The following AHCTF1 variants were observed in gnomAD, a reference collection of about 807,000 sequenced individuals.
AHCTF1 encodes the protein AT-hook containing transcription factor 1, also known as protein ELYS.
AHCTF1 carries 24 observed loss-of-function variants against 248.4 expected under a neutral mutation model. The ratio of observed to expected loss-of-function variants is 0.10; its 90% CI spans 0.07 to 0.14. The LOEUF is 0.14. Among genes scored for constraint, AHCTF1 ranks in the 10% least tolerant of loss-of-function variants. AHCTF1 has a pLI of 1.00. For missense variants in AHCTF1, 2,206 were observed against 2,636.2 expected (o/e 0.84, Z 3.57); for synonymous variants, 786 against 929.8 (o/e 0.85, Z 2.81).
chr1:246,861,547 T>A (rs912549458), intron 28 of AHCTF1, among the ~76,000 whole-genome samples: 2 of 152,186 alleles, frequency 1.3e-5, no homozygotes, highest in African/African-American at 2.4e-5. Context: ...AGATGACCAA[T>A]AATCACTGAA....
intron 20 of AHCTF1, among the ~76,000 whole-genome samples, 200 bp from the exon 21 acceptor site, chr1:246,885,880 A>G (rs1663784150): frequency 6.6e-6 from 1 of 152,208 alleles, no homozygotes; most frequent in Admixed American, 6.5e-5. Context: ...AACTAAGTGC[A>G]GATAGAAAAC....
chr1:246,871,724 C>T (rs778313672), intron 24 of AHCTF1, among the ~76,000 whole-genome samples: 9 of 151,802 alleles, frequency 5.9e-5, no homozygotes, highest in Admixed American at 1.3e-4. Context: ...TTTTTGAGGC[C>T]TCCTGACTGC....
intron 1 of AHCTF1, chr1:246,931,309 A>G (rs1423250886): frequency 6.5e-7 from 1 of 1,546,916 alleles, no homozygotes; most frequent in Non-Finnish European, 8.7e-7. Context: ...GCGAACCACC[A>G]GCGCCGCTCC....
At chr1:246,846,393 G>A (rs1407824018) in intron 33 of AHCTF1, among the ~76,000 whole-genome samples, 1 of 151,940 alleles carries the variant, frequency 6.6e-6, no homozygotes, top group African/African-American at 2.4e-5. Flanking sequence ...TCCTAGAGTG[G>A]TCATTGCTTT....
chr1:246,876,112 G>A lies in AHCTF1; in HGVS notation c.3013C>T (p.Pro1005Ser). 6.2e-7 allele frequency: 1 copy of A among 1,609,640 alleles called. No homozygotes were observed. Among genetic ancestry groups the A allele is most frequent in the Non-Finnish European group, 8.5e-7 (1 of 1,178,394 alleles). Reference sequence around the variant, plus strand: ...ATGGCTAATTTTCGATGGACTCTAGGAAGGATTTTTCCATACTGGTCTAAT... The same window carrying A: ...ATGGCTAATTTTCGATGGACTCTAGAAAGGATTTTTCCATACTGGTCTAAT... Reference protein sequence around the residue: ...SILDQYGKILPRVHRKLAIER... With the variant: ...SILDQYGKILSRVHRKLAIER... Residue 1005 changes from proline to serine, a missense_variant, in exon 24 of 36, where the codon CCT becomes TCT. By Grantham distance (74) the Pro-to-Ser change is moderately conservative. Coordinates refer to ENST00000648844, the MANE Select transcript of AHCTF1 (RefSeq NM_001323342.2).
intron 21 of AHCTF1, 130 bp from the exon 22 acceptor site, chr1:246,877,432 A>G (rs1663055726): frequency 2.0e-6 from 2 of 1,011,518 alleles, no homozygotes; most frequent in Non-Finnish European, 2.7e-6. Flanking sequence ...AGTACTTTAA[A>G]AATTTGTTGA....
At chr1:246,904,608 A>T (rs933568088) in intron 6 of AHCTF1, among the ~76,000 whole-genome samples, 2 of 152,100 alleles carry the variant, frequency 1.3e-5, no homozygotes, top group South Asian at 2.1e-4. Flanking sequence ...TGGGGAAAAA[A>T]TTTTTTTAAA....
chr1:246,841,067 C>G, intron 35 of AHCTF1, 69 bp from the exon 36 acceptor site: 1 of 1,399,854 alleles, frequency 7.1e-7, no homozygotes, highest in Non-Finnish European at 9.6e-7. Flanking sequence ...GGCTTCCCAA[C>G]ATGTTGAGAA....
chr1:246,905,535 A>G lies in AHCTF1; in HGVS notation c.881+6T>C, dbSNP rs777380264. On this transcript the variant is annotated splice_donor_region_variant and intron_variant, in intron 6 of 35. Coordinates refer to ENST00000648844, the MANE Select transcript of AHCTF1 (RefSeq NM_001323342.2). ...CAAAACAAAACAAAGTTTGTATGAGACCTACCTATCTTGTGTAGACTGAAC... is the reference window on the plus strand; with the variant it reads ...CAAAACAAAACAAAGTTTGTATGAGGCCTACCTATCTTGTGTAGACTGAAC... 1.9e-6 allele frequency: 3 copies of G among 1,603,674 alleles called. No homozygotes were observed. The highest frequency in any genetic ancestry group is 2.6e-6 in the Non-Finnish European group (3 of 1,172,514).
chr1:246,888,537 A>G lies in AHCTF1; in HGVS notation c.2145-20T>C, dbSNP rs1663989239. ...TTCCCTCTGCAATCAGGGAAAAATT[A>G]AGACTTATTTAATATCACTGTTAAT... is the stretch of plus-strand genomic sequence containing the variant. On this transcript the variant is annotated intron_variant, in intron 17 of 35. Transcript: ENST00000648844. The G allele has an allele frequency of 1.9e-6, 3 of 1,612,552 alleles. No homozygotes were observed. The East Asian group carries it at 6.7e-5, about 36-fold the overall frequency.
intron 23 of AHCTF1, 48 bp downstream of exon 23, chr1:246,876,902 G>GTTTTCCT: frequency 6.3e-7 from 1 of 1,595,112 alleles, no homozygotes. Flanking sequence ...AAAGCCTCCA[G>GTTTTCCT]TTTTCCTTAT....
At chr1:246,869,199 G>C (rs1199894117) in intron 24 of AHCTF1, among the ~76,000 whole-genome samples, 1 of 152,088 alleles carries the variant, frequency 6.6e-6, no homozygotes, top group Admixed American at 6.5e-5. Context: ...TGTCCAGCAA[G>C]TCTACTGGCA....
At chr1:246,877,391 C>T in intron 21 of AHCTF1, 89 bp from the exon 22 acceptor site, 1 of 1,343,342 alleles carries the variant, frequency 7.4e-7, no homozygotes, top group Non-Finnish European at 9.9e-7. Context: ...TTCAAAGATA[C>T]TTTGTAAAGT....
chr1:246,869,172 G>A (rs1005787321), intron 24 of AHCTF1, among the ~76,000 whole-genome samples: 5 of 152,062 alleles, frequency 3.3e-5, no homozygotes, highest in African/African-American at 1.2e-4. Flanking sequence ...ACAAATTGAA[G>A]GTCTGTGGCA....
chr1:246,931,275 G>A (rs557817726), intron 1 of AHCTF1: 16 of 1,548,638 alleles, frequency 1.0e-5, no homozygotes, highest in South Asian at 7.2e-5. Context: ...CGTCCGTAAA[G>A]GGACCCGACT....
chr1:246,873,892 C>A (rs2103098990), intron 24 of AHCTF1, among the ~76,000 whole-genome samples: 1 of 152,250 alleles, frequency 6.6e-6, no homozygotes, highest in Admixed American at 6.5e-5. Context: ...ATAAGTCCTA[C>A]TAAACTATTC....
chr1:246,900,342 C>T lies in AHCTF1; in HGVS notation c.1245G>A (p.Ser415=), dbSNP rs772207136. ...AGAAAAAAAAAGAATCATACCTTAACGAATCTGGCATTTGTGCATGATACC... is the reference window on the plus strand; with the variant it reads ...AGAAAAAAAAAGAATCATACCTTAATGAATCTGGCATTTGTGCATGATACC... ...NRWYHAQMPD[S]LRSGEYLHNC... Residue 415 remains serine (S), a synonymous_variant, in exon 9 of 36, where the codon TCG becomes TCA. Transcript: ENST00000648844. 64 of 1,588,550 alleles carry T rather than the reference C, an allele frequency of 4.0e-5. No homozygotes were observed. In the East Asian group the frequency reaches 9.8e-4, roughly 24 times the overall value.
chr1:246,916,552 A>G (rs1206319941), intron 2 of AHCTF1, among the ~76,000 whole-genome samples, 157 bp from the exon 3 acceptor site: 2 of 152,224 alleles, frequency 1.3e-5, no homozygotes, highest in African/African-American at 4.8e-5. Context: ...CATTACAATA[A>G]TAATAGTCAT....
rs553820367 is a variant in AHCTF1, at chr1:246,919,489, G to A, written c.-7-1112C>T. Among the ~76,000 whole-genome samples the A allele has an allele frequency of 1.7e-4, 26 of 152,106 alleles. No homozygotes were observed. The East Asian group carries it at 1.7e-3, about 10-fold the overall frequency. ...AGCACTTTGGGAGGCTGAGGCAGGCGGATCACAAGGTTAGGAGATCAACAC... is the reference window on the plus strand; with the variant it reads ...AGCACTTTGGGAGGCTGAGGCAGGCAGATCACAAGGTTAGGAGATCAACAC... On this transcript the variant is annotated intron_variant, in intron 1 of 35. Coordinates refer to ENST00000648844, the MANE Select transcript of AHCTF1 (RefSeq NM_001323342.2).
Sources: gnomAD v4.1 joint callset for allele counts (sites outside exome capture counted in the v4.1 genomes callset) on GRCh38, gnomAD v4.1.1 for gene constraint, MANE v1.5 for transcripts, NCBI Gene and HGNC (gene_info 2026-07-23, HGNC 2026-07-21) for gene names.